ERCC6L2: variants seen among roughly 807,000 people sequenced by gnomAD.
The protein encoded by ERCC6L2 is DNA excision repair protein ERCC-6-like 2.
ERCC6L2 carries 77 observed loss-of-function variants against 132.0 expected under a neutral mutation model. The ratio of observed to expected loss-of-function variants is 0.58; its 90% CI spans 0.49 to 0.71. The LOEUF is 0.71. Among genes scored for constraint, ERCC6L2 ranks in the 30% least tolerant of loss-of-function variants. The pLI, the probability that ERCC6L2 is intolerant of heterozygous loss-of-function variation, is 0.00. For missense variants in ERCC6L2, 1,542 were observed against 1,837.6 expected (o/e 0.84, Z 2.94); for synonymous variants, 583 against 632.4 (o/e 0.92, Z 1.17).
intron 18 of ERCC6L2, among the ~76,000 whole-genome samples, chr9:96,007,909 C>T (rs942542596): frequency 5.3e-5 from 8 of 152,062 alleles, no homozygotes; most frequent in African/African-American, 1.4e-4. Flanking sequence ...AGGGGTTTGG[C>T]GACTCCCAGG....
chr9:95,941,650 A>C, intron 12 of ERCC6L2, 101 bp downstream of exon 12: 2 of 838,946 alleles, frequency 2.4e-6, no homozygotes, highest in Non-Finnish European at 3.8e-6. Context: ...GATTAGAAGA[A>C]AGGGGGAAAC....
intron 15 of ERCC6L2, among the ~76,000 whole-genome samples, 177 bp downstream of exon 15, chr9:95,970,833 A>G (rs1328186763): frequency 6.6e-6 from 1 of 152,192 alleles, no homozygotes; most frequent in Non-Finnish European, 1.5e-5. Context: ...TAACATTCAT[A>G]TTATAAGAAC....
chr9:96,032,565 G>A (rs1834473717), intron 19 of ERCC6L2, among the ~76,000 whole-genome samples: 1 of 152,150 alleles, frequency 6.6e-6, no homozygotes. Context: ...CACAGCCTCC[G>A]CTTTGGTGGG....
At chr9:95,943,712 G>T (rs996422483) in intron 12 of ERCC6L2, among the ~76,000 whole-genome samples, 2 of 152,078 alleles carry the variant, frequency 1.3e-5, no homozygotes, top group African/African-American at 2.4e-5. Context: ...TCCAAAGAAG[G>T]TATACAAGAT....
chr9:95,964,785 T>C (rs1055119927), intron 13 of ERCC6L2, among the ~76,000 whole-genome samples: 3 of 152,212 alleles, frequency 2.0e-5, no homozygotes, highest in Non-Finnish European at 2.9e-5. Flanking sequence ...AATTTGAACA[T>C]GATTTCATTT....
intron 17 of ERCC6L2, among the ~76,000 whole-genome samples, chr9:96,001,354 T>C (rs576356548): frequency 6.6e-5 from 10 of 152,290 alleles, no homozygotes; most frequent in East Asian, 5.8e-4. Flanking sequence ...TGGCCTGTTT[T>C]GTCAGGGCGC....
intron 1 of ERCC6L2, among the ~76,000 whole-genome samples, chr9:95,878,214 T>A (rs1040574335): frequency 1.3e-5 from 2 of 152,234 alleles, no homozygotes; most frequent in Non-Finnish European, 2.9e-5. Flanking sequence ...CCCATTTGTT[T>A]ATGTATTGTC....
intron 2 of ERCC6L2, among the ~76,000 whole-genome samples, chr9:95,890,952 C>T (rs1172301206): frequency 6.6e-6 from 1 of 152,182 alleles, no homozygotes; most frequent in Admixed American, 6.5e-5. Context: ...CTACTGTTTG[C>T]CTGTAATCCC....
chr9:95,953,339 G>A (rs1260698820), intron 12 of ERCC6L2, among the ~76,000 whole-genome samples: 1 of 152,154 alleles, frequency 6.6e-6, no homozygotes, highest in Non-Finnish European at 1.5e-5. Flanking sequence ...CACTTTGGGA[G>A]GCCGAGGCAG....
intron 2 of ERCC6L2, among the ~76,000 whole-genome samples, chr9:95,894,906 A>G (rs1828371152): frequency 6.6e-6 from 1 of 152,168 alleles, no homozygotes; most frequent in South Asian, 2.1e-4. Context: ...CGGTATGTCA[A>G]CTTTGGTAAC....
intron 4 of ERCC6L2, among the ~76,000 whole-genome samples, chr9:95,909,727 G>A (rs1400038914): frequency 1.3e-5 from 2 of 152,126 alleles, no homozygotes; most frequent in African/African-American, 4.8e-5. Flanking sequence ...GGTTTTTCCA[G>A]TTTTGGATTA....
chr9:95,950,560 A>T (rs1831282842), intron 12 of ERCC6L2, among the ~76,000 whole-genome samples: 1 of 152,200 alleles, frequency 6.6e-6, no homozygotes, highest in South Asian at 2.1e-4. Context: ...GAACAGATTT[A>T]AAAAACAGTG....
intron 17 of ERCC6L2, among the ~76,000 whole-genome samples, chr9:95,996,285 A>G (rs899068186): frequency 3.3e-5 from 5 of 152,272 alleles, no homozygotes; most frequent in African/African-American, 1.2e-4. Flanking sequence ...ATTCTGTGAA[A>G]GCTGAGAGAG....
intron 17 of ERCC6L2, among the ~76,000 whole-genome samples, chr9:95,997,123 A>G (rs1004844850): frequency 3.3e-5 from 5 of 152,234 alleles, no homozygotes; most frequent in African/African-American, 1.2e-4. Flanking sequence ...GGCATCAATA[A>G]TGATTTCTCT....
At chr9:95,884,222 A>C (rs536842190) in intron 2 of ERCC6L2, among the ~76,000 whole-genome samples, 1 of 152,192 alleles carries the variant, frequency 6.6e-6, no homozygotes, top group South Asian at 2.1e-4. Context: ...ACTCAGATGG[A>C]TTTGTCTGAT....
intron 20 of ERCC6L2, among the ~76,000 whole-genome samples, chr9:96,039,227 G>A (rs1834551639): frequency 6.6e-6 from 1 of 152,244 alleles, no homozygotes; most frequent in African/African-American, 2.4e-5. Context: ...TGAAGGCAAA[G>A]AATGTGGAGC....
At position 96,037,329 on chromosome 9, in the gene ERCC6L2, T is replaced by C. The variant is rs1834531757; in HGVS notation, c.*1504-1547T>C. 2.0e-5 allele frequency among the ~76,000 whole-genome samples: 3 copies of C among 152,164 alleles called. No homozygotes were observed. The South Asian group carries it at 6.2e-4, about 32-fold the overall frequency. On this transcript the variant is annotated intron_variant and NMD_transcript_variant, in intron 19 of 20. Transcript: ENST00000670016. ...CAGCAGCCCCAGGAGGTAGCTGTGG[T>C]ATGATCTCCAGCCAACAGATGAGGA... is the stretch of plus-strand genomic sequence containing the variant.
chr9:95,990,204 G>A (rs1200087393), intron 17 of ERCC6L2, among the ~76,000 whole-genome samples: 3 of 152,216 alleles, frequency 2.0e-5, no homozygotes, highest in Admixed American at 6.5e-5. Context: ...TTGATGTAAT[G>A]ATTATTCTAG....
At chr9:95,903,332 A>G (rs1828869406) in intron 3 of ERCC6L2, among the ~76,000 whole-genome samples, 2 of 152,014 alleles carry the variant, frequency 1.3e-5, no homozygotes, top group Admixed American at 1.3e-4. Flanking sequence ...CCAGTGCTAA[A>G]CAGTTTTAGT....
Sources: gnomAD v4.1 joint callset for allele counts (sites outside exome capture counted in the v4.1 genomes callset) on GRCh38, gnomAD v4.1.1 for gene constraint, MANE v1.5 for transcripts, NCBI Gene and HGNC (gene_info 2026-07-23, HGNC 2026-07-21) for gene names.